Variants in COTL1 observed in about 807,000 individuals in gnomAD.
COTL1 encodes coactosin-like protein.
In COTL1, 15 loss-of-function variants were observed where a neutral mutation model predicts 16.5. The ratio of observed to expected loss-of-function variants is 0.91; its 90% confidence interval spans 0.61 to 1.40. The LOEUF (loss-of-function observed/expected upper bound fraction) is 1.40, where lower values mean the gene tolerates loss of function less well. Among genes scored for constraint, COTL1 ranks in the 40% most tolerant of loss-of-function variants. COTL1 has a pLI of 0.00. For synonymous variants in COTL1, 112 were observed against 85.3 expected (o/e 1.31, Z -1.73); for missense variants, 220 against 201.5 (o/e 1.09, Z -0.56).
At chr16:84,615,577 C>A (rs1905453793) in intron 2 of COTL1, among the ~76,000 whole-genome samples, 1 of 152,216 alleles carries the variant, frequency 6.6e-6, no homozygotes, top group Non-Finnish European at 1.5e-5. Flanking sequence ...GGGAGGGAAG[C>A]TGGTCTGTAA....
At chr16:84,610,374 C>T (rs761651290) in intron 2 of COTL1, among the ~76,000 whole-genome samples, 7 of 152,308 alleles carry the variant, frequency 4.6e-5, no homozygotes, top group East Asian at 3.9e-4. Context: ...TTTTCTGGCA[C>T]GTCACCTGTC....
chr16:84,572,684 A>G (rs1904359010), intron 3 of COTL1, among the ~76,000 whole-genome samples: 1 of 151,550 alleles, frequency 6.6e-6, no homozygotes, highest in African/African-American at 2.4e-5. Flanking sequence ...CTGGTCTCCA[A>G]CTCCTGGGCT....
intron 2 of COTL1, chr16:84,595,935 G>GTGTATGTGTATGTGTGTTATATATACA (rs1273934802): frequency 4.0e-5 from 6 of 151,766 alleles, no homozygotes; most frequent in Non-Finnish European, 7.4e-5. Context: ...ATACATGTAT[G>GTGTATGTGTATGTGTGTTATATATACA]TGTATGTGTA....
chr16:84,566,747 C>CCTGGTGGG lies in COTL1; in HGVS notation c.*90_*97dup, dbSNP rs1567528972. On this transcript the variant is annotated 3_prime_UTR_variant, in exon 4 of 4. Transcript: ENST00000262428. ...GCTGCCTCTCATGGCTTCTTTTCTC[C>CCTGGTGGG]CTGGTGGGCTGGTGGGCTAGTAGCT... is the stretch of plus-strand genomic sequence containing the variant. 5.1e-6 allele frequency: 4 copies of CCTGGTGGG among 777,650 alleles called. No individual in the cohort carries two copies. The Admixed American group carries it at 6.8e-5, about 13-fold the overall frequency. The allele number at this position is 777,650 out of a possible 1,614,324, so 48.2% of individuals were successfully genotyped here. A position where few individuals can be genotyped will look rare whatever the true frequency, so the allele number is the denominator to read the frequency against.
At chr16:84,575,023 C>A (rs541135072) in intron 3 of COTL1, among the ~76,000 whole-genome samples, 1 of 152,220 alleles carries the variant, frequency 6.6e-6, no homozygotes, top group South Asian at 2.1e-4. Context: ...GGTTTTAAAT[C>A]ATTCTTTTCT....
intron 2 of COTL1, among the ~76,000 whole-genome samples, chr16:84,615,345 G>C (rs1905445681): frequency 6.6e-6 from 1 of 152,198 alleles, no homozygotes; most frequent in African/African-American, 2.4e-5. Flanking sequence ...AGGTGGGTCT[G>C]AGCAGAAAAC....
chr16:84,616,409 A>G (rs1905484976), intron 2 of COTL1: 1 of 152,230 alleles, frequency 6.6e-6, no homozygotes, highest in Admixed American at 6.5e-5. Flanking sequence ...AGGCTGAGGC[A>G]GGAGAATCTC....
At chr16:84,614,116 G>C (rs2150698391) in intron 2 of COTL1, among the ~76,000 whole-genome samples, 1 of 152,348 alleles carries the variant, frequency 6.6e-6, no homozygotes, top group East Asian at 1.9e-4. Flanking sequence ...GACTTCCCCT[G>C]GAGTTTCCAG....
chr16:84,578,610 T>A (rs1904504473), intron 3 of COTL1, among the ~76,000 whole-genome samples: 1 of 149,612 alleles, frequency 6.7e-6, no homozygotes, highest in Non-Finnish European at 1.5e-5. Context: ...AACACAGATA[T>A]GCACACACCA....
At position 84,566,902 on chromosome 16, in the gene COTL1, G is replaced by T. The variant is rs2150678027; in HGVS notation, c.372C>A (p.Phe124Leu). 1 of 1,614,126 alleles carries T rather than the reference G, an allele frequency of 6.2e-7. No homozygotes were observed. The highest frequency in any genetic ancestry group is 1.3e-5 in the African/African-American group (1 of 75,054). The change falls in exon 4 of 4, where the codon TTC (phenylalanine) becomes TTA (leucine). Residue 124 changes from phenylalanine (F) to leucine (L), a missense_variant. Phe to Leu is a conservative substitution (Grantham distance 22). Coordinates refer to ENST00000262428, the MANE Select transcript of COTL1 (RefSeq NM_021149.5). ...CCGCCTTCTTCAGCTCGCTCTTGAT[G>T]AAATCTTCCTCCAGCTCCTTCCGAT... ...ISDRKELEEDFIKSELKKAGG... is the reference protein window; with the variant it reads ...ISDRKELEEDLIKSELKKAGG...
chr16:84,592,764 C>G (rs894436489), intron 2 of COTL1, among the ~76,000 whole-genome samples: 1 of 152,162 alleles, frequency 6.6e-6, no homozygotes, highest in Non-Finnish European at 1.5e-5. Flanking sequence ...TGGTGATTAT[C>G]TCAAAACCGG....
chr16:84,571,678 G>A (rs1194019759), intron 3 of COTL1, among the ~76,000 whole-genome samples: 4 of 152,144 alleles, frequency 2.6e-5, no homozygotes, highest in South Asian at 2.1e-4. Context: ...TCGGCTCCCC[G>A]CTGTCACCTC....
chr16:84,581,870 T>G (rs1904602166), intron 3 of COTL1, among the ~76,000 whole-genome samples: 1 of 152,022 alleles, frequency 6.6e-6, no homozygotes, highest in African/African-American at 2.4e-5. Flanking sequence ...GTCCCCTGAG[T>G]GTAATTAGCT....
intron 3 of COTL1, among the ~76,000 whole-genome samples, chr16:84,569,279 C>T (rs892101427): frequency 6.6e-6 from 1 of 152,142 alleles, no homozygotes; most frequent in Non-Finnish European, 1.5e-5. Context: ...CAAGATCGCG[C>T]CACTGCACTC....
chr16:84,578,545 C>T (rs1044348147), intron 3 of COTL1, among the ~76,000 whole-genome samples: 2 of 152,178 alleles, frequency 1.3e-5, no homozygotes, highest in African/African-American at 4.8e-5. Context: ...ATTCACTCCA[C>T]GCCAGGGAAC....
chr16:84,572,895 G>A (rs984146258), intron 3 of COTL1, among the ~76,000 whole-genome samples: 30 of 151,152 alleles, frequency 2.0e-4, no homozygotes, highest in African/African-American at 7.1e-4. Flanking sequence ...CGGGACTACA[G>A]GTACACACCA....
chr16:84,607,345 G>C (rs1044028791), intron 2 of COTL1, among the ~76,000 whole-genome samples: 1 of 152,120 alleles, frequency 6.6e-6, no homozygotes, highest in Admixed American at 6.5e-5. Flanking sequence ...AGGCCAGCGC[G>C]GCACAGGGGA....
chr16:84,617,606 A>C lies in COTL1; in HGVS notation c.78-23T>G, dbSNP rs772724957. The C allele has an allele frequency of 6.0e-5, 93 of 1,547,684 alleles. No individual in the cohort carries two copies. The highest frequency in any genetic ancestry group is 1.7e-4 in the East Asian group (7 of 40,990). On this transcript the variant is annotated intron_variant, in intron 1 of 3. Coordinates refer to ENST00000262428, the MANE Select transcript of COTL1 (RefSeq NM_021149.5). ...ACCCTTTGGGTTGGGAGAAGAAAAA[A>C]ACACACACACACATCAGCGCTGGTG... is the stretch of plus-strand genomic sequence containing the variant.
At chr16:84,605,449 A>C (rs966243475) in intron 2 of COTL1, among the ~76,000 whole-genome samples, 1 of 152,266 alleles carries the variant, frequency 6.6e-6, no homozygotes, top group South Asian at 2.1e-4. Context: ...AAAACTGTGA[A>C]TATGTCCCTC....
Sources: gnomAD v4.1 joint callset for allele counts (sites outside exome capture counted in the v4.1 genomes callset) on GRCh38, gnomAD v4.1.1 for gene constraint, MANE v1.5 for transcripts, NCBI Gene and HGNC (gene_info 2026-07-23, HGNC 2026-07-21) for gene names.